INIP: variants seen among roughly 807,000 people sequenced by gnomAD.
The protein encoded by INIP is SOSS complex subunit C.
In INIP, 9 loss-of-function variants were observed where a neutral mutation model predicts 14.0. The ratio of observed to expected loss-of-function variants is 0.64; its 90% CI spans 0.39 to 1.12. The LOEUF (loss-of-function observed/expected upper bound fraction) is 1.12, where lower values mean the gene tolerates loss of function less well. INIP is among the 50% of genes most tolerant of loss of function. The pLI is 0.01. For missense variants in INIP, 78 were observed against 122.7 expected (o/e 0.64, Z 1.72); for synonymous variants, 37 against 41.5 (o/e 0.89, Z 0.41).
At chr9:112,708,752 G>A (rs1023301701) in intron 2 of INIP, among the ~76,000 whole-genome samples, 4 of 151,758 alleles carry the variant, frequency 2.6e-5, no homozygotes, top group East Asian at 1.9e-4. Flanking sequence ...GCTAGAGTGC[G>A]GTGGTATGAT....
chr9:112,716,531 T>G lies in INIP; in HGVS notation c.-46A>C, dbSNP rs1156585037. ...ATGTCCAGTGGCAATTGGTCAGCAC[T>G]TCACAATCACCTATAAAATATGTGT... On this transcript the variant is annotated 5_prime_UTR_variant, in exon 2 of 5. Coordinates refer to ENST00000374242, the MANE Select transcript of INIP (RefSeq NM_021218.3). The G allele has an allele frequency of 1.3e-6, 2 of 1,577,622 alleles. No individual in the cohort carries two copies. Among genetic ancestry groups the G allele is most frequent in the East Asian group, 2.2e-5 (1 of 44,710 alleles).
intron 3 of INIP, among the ~76,000 whole-genome samples, chr9:112,693,064 T>C (rs1837951485): frequency 6.7e-6 from 1 of 150,316 alleles, no homozygotes; most frequent in Non-Finnish European, 1.5e-5. Flanking sequence ...GGCTATGAAG[T>C]CTATAGGGAA....
chr9:112,703,974 G>A (rs1227554719), intron 2 of INIP, among the ~76,000 whole-genome samples: 2 of 152,172 alleles, frequency 1.3e-5, no homozygotes, highest in South Asian at 2.1e-4. Flanking sequence ...GGTATCCAAT[G>A]TCTTATTATA....
At chr9:112,699,575 A>C (rs1032779671) in intron 2 of INIP, among the ~76,000 whole-genome samples, 1 of 152,152 alleles carries the variant, frequency 6.6e-6, no homozygotes, top group African/African-American at 2.4e-5. Context: ...TTATAAATTA[A>C]ACTTTATCGT....
chr9:112,691,031 C>T lies in INIP; in HGVS notation c.129-1414G>A, dbSNP rs115828836. On this transcript the variant is annotated intron_variant, in intron 3 of 4. Transcript: ENST00000374242. ...GTTAACAGATACCCAAATGTTTATG[C>T]CAATTTTGTTATATTTCTGTTACTT... 7.0e-3 allele frequency among the ~76,000 whole-genome samples: 1,073 copies of T among 152,240 alleles called. 15 individuals are homozygous for T. Among genetic ancestry groups the T allele is most frequent in the African/African-American group, 0.024 (1,007 of 41,524 alleles).
chr9:112,687,956 G>A (rs564913721), intron 4 of INIP, among the ~76,000 whole-genome samples: 1 of 151,950 alleles, frequency 6.6e-6, no homozygotes, highest in Non-Finnish European at 1.5e-5. Flanking sequence ...CGTGGTGGCG[G>A]GTGCCTGTAG....
At chr9:112,700,287 A>T (rs1838244994) in intron 2 of INIP, among the ~76,000 whole-genome samples, 1 of 152,072 alleles carries the variant, frequency 6.6e-6, no homozygotes, top group Non-Finnish European at 1.5e-5. Context: ...ACTGTGAACT[A>T]TCTCAAACTA....
At chr9:112,700,289 C>T (rs924547493) in intron 2 of INIP, among the ~76,000 whole-genome samples, 1 of 152,028 alleles carries the variant, frequency 6.6e-6, no homozygotes, top group African/African-American at 2.4e-5. Flanking sequence ...TGTGAACTAT[C>T]TCAAACTACT....
chr9:112,698,705 T>A (rs1838189065), intron 2 of INIP, among the ~76,000 whole-genome samples: 1 of 152,192 alleles, frequency 6.6e-6, no homozygotes, highest in Non-Finnish European at 1.5e-5. Flanking sequence ...TGTATTTCAA[T>A]ATTAATATCT....
chr9:112,687,574 A>G lies in INIP; in HGVS notation c.279T>C (p.Leu93=), dbSNP rs1837721995. The change falls in exon 5 of 5, where the codon CTT becomes CTC. Residue 93 remains leucine, a synonymous_variant. Transcript: ENST00000374242. ...FITQDSAFGN[L]ILPVLPRLDP... is the part of the protein sequence containing the mutation. ...CAAGGCGAGGTAAAACAGGAAGAATAAGGTTCCCAAATGCAGAGTCTTGAG... is the reference window on the plus strand; with the variant it reads ...CAAGGCGAGGTAAAACAGGAAGAATGAGGTTCCCAAATGCAGAGTCTTGAG... 6.8e-6 allele frequency: 11 copies of G among 1,610,448 alleles called. No homozygotes were observed. Among genetic ancestry groups the G allele is most frequent in the Non-Finnish European group, 7.6e-6 (9 of 1,177,100 alleles).
Position 112,685,991 on chromosome 9 carries a change from G to A in INIP, c.*1547C>T, listed in dbSNP as rs1837651519. 6.6e-6 allele frequency: 1 copy of A among 152,150 alleles called. No individual in the cohort carries two copies. Among genetic ancestry groups the A allele is most frequent in the African/African-American group, 2.4e-5 (1 of 41,428 alleles). 9.4% of individuals were successfully genotyped at this position (152,150 alleles called of 1,614,324 possible). A position where few individuals can be genotyped will look rare whatever the true frequency, so the allele number is the denominator to read the frequency against. On this transcript the variant is annotated 3_prime_UTR_variant, in exon 5 of 5. Transcript: ENST00000374242. ...TGGTTTGAGTAGGATGGGGCTGTGT[G>A]TTTGAAAACATCTAAGGAAGAAAGG...
chr9:112,717,184 G>A (rs1838851828), intron 1 of INIP, among the ~76,000 whole-genome samples: 1 of 152,082 alleles, frequency 6.6e-6, no homozygotes, highest in South Asian at 2.1e-4. Context: ...CATGGTGCTA[G>A]GAAGAAAAAT....
At chr9:112,704,810 T>A (rs949549977) in intron 2 of INIP, among the ~76,000 whole-genome samples, 2 of 152,090 alleles carry the variant, frequency 1.3e-5, no homozygotes, top group Non-Finnish European at 2.9e-5. Flanking sequence ...TAGGGAAATA[T>A]AAAAATGCAA....
intron 4 of INIP, among the ~76,000 whole-genome samples, chr9:112,688,095 AATAAAT>A (rs952731892): frequency 1.3e-5 from 2 of 148,736 alleles, no homozygotes; most frequent in African/African-American, 4.9e-5. Flanking sequence ...CAAATAAATA[AATAAAT>A]AAATAAATAA....
intron 2 of INIP, among the ~76,000 whole-genome samples, chr9:112,713,290 G>A (rs1175005746): frequency 2.0e-5 from 3 of 152,098 alleles, no homozygotes; most frequent in Admixed American, 1.3e-4. Context: ...TAAAATTAAC[G>A]ACTGACAACA....
intron 2 of INIP, among the ~76,000 whole-genome samples, chr9:112,703,225 C>T (rs1838354383): frequency 6.6e-6 from 1 of 152,040 alleles, no homozygotes; most frequent in African/African-American, 2.4e-5. Context: ...TGTTCATGGT[C>T]AATGCAACCT....
intron 2 of INIP, among the ~76,000 whole-genome samples, chr9:112,703,222 G>A (rs1486627831): frequency 6.6e-6 from 1 of 152,048 alleles, no homozygotes; most frequent in Non-Finnish European, 1.5e-5. Flanking sequence ...TAGTGTTCAT[G>A]GTCAATGCAA....
At chr9:112,688,147 T>C (rs1479035978) in intron 4 of INIP, among the ~76,000 whole-genome samples, 1 of 152,126 alleles carries the variant, frequency 6.6e-6, no homozygotes, top group African/African-American at 2.4e-5. Context: ...CTGCTGGTTG[T>C]GTTTAAATAG....
In INIP at chr9:112,692,504, G is replaced by A. The variant is rs558511813; in HGVS notation, c.128+1627C>T. Among the ~76,000 whole-genome samples the A allele has an allele frequency of 7.2e-5, 11 of 151,970 alleles. No homozygotes were observed. The South Asian group carries it at 1.5e-3, about 20-fold the overall frequency. ...TTGCCACGTTGCCCAGGCTGCTCTC[G>A]AGCTACTGGGCTCAAGTGATCCACC... On this transcript the variant is annotated intron_variant, in intron 3 of 4. Coordinates refer to ENST00000374242, the MANE Select transcript of INIP (RefSeq NM_021218.3).
Sources: allele counts gnomAD v4.1 joint callset (sites outside exome capture counted in the v4.1 genomes callset), GRCh38; gene constraint gnomAD v4.1.1; transcripts MANE v1.5; gene names NCBI Gene and HGNC (gene_info 2026-07-23, HGNC 2026-07-21).